OSBPL1A: variants seen among roughly 807,000 people sequenced by gnomAD.
OSBPL1A encodes the protein oxysterol binding protein like 1A, also known as oxysterol-binding protein-related protein 1.
A neutral mutation model predicts 137.1 loss-of-function variants in OSBPL1A; 80 were observed. The observed-to-expected ratio is 0.58, with a 90% CI of 0.49 to 0.70. OSBPL1A has a LOEUF of 0.70. Ranked by LOEUF, OSBPL1A falls within the 30% of genes least tolerant of loss-of-function variation. The pLI, the probability that OSBPL1A is intolerant of heterozygous loss-of-function variation, is 0.00. For missense variants in OSBPL1A, 970 were observed against 1,129.4 expected, an observed-to-expected ratio of 0.86 and a Z score of 2.02; for synonymous variants, 365 against 389.7, an observed-to-expected ratio of 0.94 and a Z score of 0.75.
intron 1 of OSBPL1A, among the ~76,000 whole-genome samples, chr18:24,385,009 C>T (rs1354144209): frequency 1.3e-5 from 2 of 148,726 alleles, no homozygotes; most frequent in African/African-American, 5.0e-5. Flanking sequence ...GGCTGGAGTG[C>T]AGTGGCACAA....
intron 4 of OSBPL1A, among the ~76,000 whole-genome samples, chr18:24,350,604 T>G (rs1166227569): frequency 6.6e-6 from 1 of 152,114 alleles, no homozygotes; most frequent in Non-Finnish European, 1.5e-5. Flanking sequence ...TCATTCTAAT[T>G]TTAATTTATA....
intron 1 of OSBPL1A, among the ~76,000 whole-genome samples, chr18:24,393,879 A>C (rs1417215007): frequency 6.6e-6 from 1 of 152,264 alleles, no homozygotes; most frequent in Non-Finnish European, 1.5e-5. Flanking sequence ...CATTTTAAAA[A>C]GCTTTATTTA....
At chr18:24,218,952 A>G (rs1353170648) in intron 17 of OSBPL1A, among the ~76,000 whole-genome samples, 1 of 152,068 alleles carries the variant, frequency 6.6e-6, no homozygotes, top group Non-Finnish European at 1.5e-5. Context: ...TTAAAAAGCT[A>G]TGTCCCTAAA....
intron 1 of OSBPL1A, among the ~76,000 whole-genome samples, chr18:24,378,378 A>C (rs971565678): frequency 3.3e-5 from 5 of 152,256 alleles, no homozygotes; most frequent in African/African-American, 1.2e-4. Context: ...TTACAGGTGG[A>C]GATCAGCAAT....
chr18:24,225,505 T>C (rs1321993280), intron 16 of OSBPL1A, among the ~76,000 whole-genome samples: 1 of 152,190 alleles, frequency 6.6e-6, no homozygotes, highest in Non-Finnish European at 1.5e-5. Context: ...GCCCCCAAAA[T>C]TTCCACCTCT....
chr18:24,355,711 G>A (rs1052206523), intron 4 of OSBPL1A, among the ~76,000 whole-genome samples: 3 of 151,846 alleles, frequency 2.0e-5, no homozygotes, highest in Non-Finnish European at 2.9e-5. Context: ...CCGGCTGAGC[G>A]CAGTGGCTCA....
intron 16 of OSBPL1A, among the ~76,000 whole-genome samples, chr18:24,231,851 A>C (rs1257983882): frequency 6.6e-6 from 1 of 152,234 alleles, no homozygotes; most frequent in Non-Finnish European, 1.5e-5. Flanking sequence ...AAAGTTCACA[A>C]TATAAACATG....
chr18:24,346,520 T>A (rs2091348167), intron 4 of OSBPL1A, among the ~76,000 whole-genome samples: 1 of 152,190 alleles, frequency 6.6e-6, no homozygotes, highest in Admixed American at 6.5e-5. Flanking sequence ...TTTCAGTCTC[T>A]ATGGATTTGC....
chr18:24,335,335 G>A (rs2091157336), intron 5 of OSBPL1A, among the ~76,000 whole-genome samples: 1 of 152,156 alleles, frequency 6.6e-6, no homozygotes, highest in African/African-American at 2.4e-5. Context: ...AGGAACTGAG[G>A]CACCAAGAGG....
At chr18:24,189,407 T>C (rs2086829880) in intron 18 of OSBPL1A, among the ~76,000 whole-genome samples, 1 of 152,014 alleles carries the variant, frequency 6.6e-6, no homozygotes, top group South Asian at 2.1e-4. Context: ...GGCAGGGTGC[T>C]CCCCCGCGTG....
chr18:24,318,303 G>T (rs1323302787), intron 9 of OSBPL1A, among the ~76,000 whole-genome samples: 1 of 151,992 alleles, frequency 6.6e-6, no homozygotes, highest in Non-Finnish European at 1.5e-5. Flanking sequence ...AATTAGCCAG[G>T]CACGGTGGCG....
intron 4 of OSBPL1A, among the ~76,000 whole-genome samples, chr18:24,356,457 T>A (rs2091536651): frequency 1.3e-5 from 2 of 152,050 alleles, no homozygotes; most frequent in South Asian, 4.2e-4. Context: ...ATCCAAAATG[T>A]CATGAGGCCC....
At chr18:24,388,697 A>G (rs563963385) in intron 1 of OSBPL1A, among the ~76,000 whole-genome samples, 1 of 151,102 alleles carries the variant, frequency 6.6e-6, no homozygotes, top group East Asian at 2.0e-4. Flanking sequence ...CTACTCAGGA[A>G]GCTGAAGCAG....
intron 14 of OSBPL1A, among the ~76,000 whole-genome samples, chr18:24,281,268 T>C (rs915624143): frequency 2.0e-5 from 3 of 151,968 alleles, no homozygotes; most frequent in African/African-American, 7.3e-5. Context: ...GTATTTTTAG[T>C]AGAGACGGGG....
intron 4 of OSBPL1A, chr18:24,358,444 G>A (rs1489275899): frequency 2.8e-6 from 2 of 702,198 alleles, no homozygotes; most frequent in Non-Finnish European, 5.2e-6. Flanking sequence ...GTGCACAGGT[G>A]TGATGCCACG....
Position 24,220,364 on chromosome 18 carries a change from G to A in OSBPL1A, c.1601+4678C>T, listed in dbSNP as rs560325229. On this transcript the variant is annotated intron_variant, in intron 17 of 27. Coordinates refer to ENST00000319481, the MANE Select transcript of OSBPL1A (RefSeq NM_080597.4). ...AGGCTTGTGTCCAGCTTGTGAAAGA[G>A]GTGGGCTTCACAGCAGAGCTGCTTG... Among the ~76,000 whole-genome samples, 144 of 152,348 alleles carry A rather than the reference G, an allele frequency of 9.5e-4. 1 individual carries two copies. Among genetic ancestry groups the A allele is most frequent in the Non-Finnish European group, 1.8e-3 (120 of 68,038 alleles).
At chr18:24,231,957 GGAA>G (rs2088296816) in intron 16 of OSBPL1A, among the ~76,000 whole-genome samples, 1 of 152,160 alleles carries the variant, frequency 6.6e-6, no homozygotes, top group African/African-American at 2.4e-5. Context: ...AGCAAGATGG[GGAA>G]GAACTGTGGA....
At chr18:24,396,206 C>T (rs1053826644) in intron 1 of OSBPL1A, among the ~76,000 whole-genome samples, 17 of 141,652 alleles carry the variant, frequency 1.2e-4, no homozygotes, top group Middle Eastern at 3.6e-3. Context: ...GGCAACAGAG[C>T]GAGACTCTGT....
chr18:24,178,292 A>G, intron 20 of OSBPL1A, 97 bp from the exon 21 acceptor site: 5 of 1,166,446 alleles, frequency 4.3e-6, no homozygotes, highest in Non-Finnish European at 5.9e-6. Flanking sequence ...AAAGTAAACA[A>G]TTCTTTTGTT....
Sources: gnomAD v4.1 joint callset for allele counts (sites outside exome capture counted in the v4.1 genomes callset) on GRCh38, gnomAD v4.1.1 for gene constraint, MANE v1.5 for transcripts, NCBI Gene and HGNC (gene_info 2026-07-23, HGNC 2026-07-21) for gene names.